Variants in POLE observed in about 807,000 individuals in gnomAD.
POLE encodes the protein DNA polymerase epsilon, catalytic subunit.
In POLE, 188 loss-of-function variants were observed where a neutral mutation model predicts 279.2. The ratio of observed to expected loss-of-function variants is 0.67; its 90% CI spans 0.60 to 0.76. POLE has a LOEUF of 0.76. POLE is among the 30% of genes least tolerant of loss of function. POLE has a pLI of 0.00. For missense variants in POLE, 2,703 were observed against 3,016.7 expected, an observed-to-expected ratio of 0.90 and a Z score of 2.44; for synonymous variants, 1,214 against 1,172.5, an observed-to-expected ratio of 1.04 and a Z score of -0.72.
chr12:132,680,729 A>C, intron 2 of POLE, 42 bp from the exon 3 acceptor site: 1 of 1,473,576 alleles, frequency 6.8e-7, no homozygotes, highest in Non-Finnish European at 9.5e-7. Flanking sequence ...ACCATCCTCT[A>C]CACAGTTAGA....
chr12:132,679,583 G>C lies in POLE; in HGVS notation c.492C>G (p.Val164=). ...RLSFHTVEDL[V]KVRKEISPAV... ...CAGGGGAGATCTCCTTCCTCACTTT[G>C]ACAAGATCCTCCACAGTGTGGAAGG... The change falls in exon 6 of 49, where the codon GTC becomes GTG. Residue 164 remains valine, a synonymous_variant. Transcript: ENST00000320574. 6.2e-7 allele frequency: 1 copy of C among 1,613,998 alleles called. No homozygotes were observed. The highest frequency in any genetic ancestry group is 8.5e-7 in the Non-Finnish European group (1 of 1,179,926).
chr12:132,629,393 G>A (rs2041892864), intron 45 of POLE, among the ~76,000 whole-genome samples: 1 of 152,226 alleles, frequency 6.6e-6, no homozygotes, highest in Non-Finnish European at 1.5e-5. Context: ...TCCAAAAGAA[G>A]GCTGTTTTGT....
intron 35 of POLE, 23 bp from the exon 36 acceptor site, chr12:132,643,019 A>T (rs760519791): frequency 6.4e-7 from 1 of 1,572,376 alleles, no homozygotes; most frequent in Admixed American, 2.0e-5. Context: ...AGGCCACGTC[A>T]GCCTCCCCCT....
Position 132,642,255 on chromosome 12 carries a change from C to T in POLE, c.5095G>A (p.Ala1699Thr), listed in dbSNP as rs1256635297. The T allele has an allele frequency of 6.2e-7, 1 of 1,611,534 alleles. No homozygotes were observed. The highest frequency in any genetic ancestry group is 1.7e-5 in the Admixed American group (1 of 59,598). Residue 1699 changes from alanine (A) to threonine (T), a missense_variant, in exon 38 of 49, where the codon GCT becomes ACT. This residue lies in a region of POLE where 1,551 missense variants were observed against 1,686.1 expected (regional missense o/e 0.92). Transcript: ENST00000320574. ...TARPDLGGKEADDNCLVMEFD... is the reference protein window; with the variant it reads ...TARPDLGGKETDDNCLVMEFD... ...TCCATGACAAGACAGTTGTCATCAG[C>T]CTCCTTTCCACCCAGGTCAGGGCGG...
At chr12:132,625,914 C>T in intron 46 of POLE, 144 bp from the exon 47 acceptor site, 3 of 1,218,500 alleles carry the variant, frequency 2.5e-6, no homozygotes, top group South Asian at 1.4e-5. Flanking sequence ...ACTCTGGCCT[C>T]CCACCTGCAC....
intron 1 of POLE, among the ~76,000 whole-genome samples, chr12:132,682,305 TAAATAA>T (rs1437874596): frequency 4.4e-4 from 33 of 75,728 alleles, no homozygotes; most frequent in Non-Finnish European, 3.9e-4. Context: ...AAAAAAAAAA[TAAATAA>T]AAATAAATAA....
At chr12:132,650,761 C>T (rs530086397) in intron 29 of POLE, 1 of 152,260 alleles carries the variant, frequency 6.6e-6, no homozygotes, top group Admixed American at 6.5e-5. Flanking sequence ...CCTCTTCTGT[C>T]TGCCCCCACA....
chr12:132,680,586 T>G, intron 3 of POLE, 21 bp downstream of exon 3: 3 of 1,600,924 alleles, frequency 1.9e-6, no homozygotes, highest in Non-Finnish European at 2.6e-6. Flanking sequence ...GGGTTTTAGC[T>G]TGTCGCAGTC....
At chr12:132,659,216 C>G (rs910401958) in intron 26 of POLE, 79 bp downstream of exon 26, 4 of 1,437,512 alleles carry the variant, frequency 2.8e-6, no homozygotes, top group Non-Finnish European at 3.8e-6. Flanking sequence ...GGAGCCCTCA[C>G]CTCTCCGTGA....
At position 132,676,552 on chromosome 12, in the gene POLE, A is replaced by G. The variant is rs1593079339; in HGVS notation, c.903T>C (p.Asp301=). 2 of 1,610,312 alleles carry G rather than the reference A, an allele frequency of 1.2e-6. No homozygotes were observed. The highest frequency in any genetic ancestry group is 1.7e-6 in the Non-Finnish European group (2 of 1,176,482). ...CCAGAAGCCACCTGCTCACCTGGCC[A>G]TCGATCATGTAGGAAATCATCATAA... ...DQIMMISYMI[D]GQGYLITNRE... The change falls in exon 9 of 49, where the codon GAT becomes GAC. Residue 301 remains aspartate (D), a synonymous_variant. Coordinates refer to ENST00000320574, the MANE Select transcript of POLE (RefSeq NM_006231.4).
At chr12:132,663,207 GA>G (rs1341556097) in intron 23 of POLE, among the ~76,000 whole-genome samples, 4 of 152,192 alleles carry the variant, frequency 2.6e-5, no homozygotes, top group African/African-American at 9.6e-5. Context: ...CTCCTCCAGG[GA>G]CGCTTATATC....
chr12:132,677,460 G>C lies in POLE; in HGVS notation c.721-17C>G. 6.2e-7 allele frequency: 1 copy of C among 1,611,178 alleles called. No individual in the cohort carries two copies. Among genetic ancestry groups the C allele is most frequent in the Non-Finnish European group, 8.5e-7 (1 of 1,177,352 alleles). ...CCAATGAGCCTGCAAAACACACAGT[G>C]TGCTAACTAGAGTTCTACATCCAGG... On this transcript the variant is annotated splice_polypyrimidine_tract_variant and intron_variant, in intron 7 of 48. Transcript: ENST00000320574.
intron 32 of POLE, among the ~76,000 whole-genome samples, chr12:132,644,540 G>A (rs1288485002): frequency 6.6e-6 from 1 of 152,144 alleles, no homozygotes; most frequent in Non-Finnish European, 1.5e-5. Flanking sequence ...ATCTGGGGAG[G>A]TTCCCAGTTC....
intron 1 of POLE, among the ~76,000 whole-genome samples, chr12:132,686,049 A>AT (rs916728787): frequency 2.0e-5 from 3 of 151,428 alleles, no homozygotes; most frequent in Admixed American, 2.0e-4. Context: ...CTAATTTTGT[A>AT]TTTTTTTAGT....
intron 16 of POLE, 122 bp from the exon 17 acceptor site, chr12:132,669,061 C>G (rs1299665853): frequency 1.1e-6 from 1 of 870,726 alleles, no homozygotes; most frequent in Non-Finnish European, 1.7e-6. Context: ...AGAGCAAAAA[C>G]TAGCCAGAAG....
chr12:132,648,700 G>T, intron 32 of POLE: 1 of 466,328 alleles, frequency 2.1e-6, no homozygotes, highest in Non-Finnish European at 3.8e-6. Context: ...CCGCAACATG[G>T]ACCTCGCGGG....
rs762965148 is a variant in POLE, at chr12:132,642,881, C to T, written c.4667G>A (p.Arg1556Gln). ...LPPPKHTFEV[R>Q]AETDLKTICR... ...GATGGTCTTCAGGTCAGTTTCTGCC[C>T]GAACTTCGAAGGTGTGTTTGGGGGG... The change falls in exon 36 of 49, where the codon CGG (arginine) becomes CAG (glutamine). Residue 1556 changes from arginine (R) to glutamine (Q), a missense_variant. This residue lies in a region of POLE where 1,551 missense variants were observed against 1,686.1 expected (regional missense o/e 0.92). Transcript: ENST00000320574. 108 of 1,613,768 alleles carry T rather than the reference C, an allele frequency of 6.7e-5. No homozygotes were observed. The highest frequency in any genetic ancestry group is 8.8e-5 in the South Asian group (8 of 91,058).
At position 132,665,425 on chromosome 12, in the gene POLE, G is replaced by T. The variant is rs2135962147; in HGVS notation, c.2345C>A (p.Ala782Asp). 6.2e-7 allele frequency: 1 copy of T among 1,611,764 alleles called. No individual in the cohort carries two copies. The change falls in exon 21 of 49, where the codon GCC becomes GAC. Residue 782 changes from alanine to aspartate, a missense_variant. By Grantham distance (126) the Ala-to-Asp change is moderately radical. Transcript: ENST00000320574. ...HKVWKKKLSA[A>D]VEVGDAAEVK... ...CTCAGCCGCGTCGCCCACCTCCACG[G>T]CCGCCGAGAGCTTCTTTTTCCACAC...
chr12:132,635,649 C>T (rs1341794314), intron 42 of POLE, among the ~76,000 whole-genome samples: 1 of 152,258 alleles, frequency 6.6e-6, no homozygotes, highest in African/African-American at 2.4e-5. Flanking sequence ...CCTGTCACCA[C>T]CTCATGGGCC....
Sources: gnomAD v4.1 joint callset for allele counts (sites outside exome capture counted in the v4.1 genomes callset) on GRCh38, gnomAD v4.1.1 for gene constraint, gnomAD v4.1.1 regional missense constraint, MANE v1.5 for transcripts, NCBI Gene and HGNC (gene_info 2026-07-23, HGNC 2026-07-21) for gene names.